Variants in MAPKAPK5 observed in about 807,000 individuals in gnomAD.
MAPKAPK5 encodes MAP kinase-activated protein kinase 5.
A neutral mutation model predicts 65.1 loss-of-function variants in MAPKAPK5; 30 were observed. The observed-to-expected ratio is 0.46, with a 90% CI of 0.34 to 0.63. The LOEUF is 0.63. Ranked by LOEUF, MAPKAPK5 falls within the 20% of genes least tolerant of loss-of-function variation. The pLI is 0.01. For synonymous variants in MAPKAPK5, 179 were observed against 204.6 expected (o/e 0.87, Z 1.07); for missense variants, 433 against 581.4 (o/e 0.74, Z 2.63).
chr12:111,851,223 A>G (rs1318998045), intron 1 of MAPKAPK5, among the ~76,000 whole-genome samples: 1 of 151,482 alleles, frequency 6.6e-6, no homozygotes, highest in Non-Finnish European at 1.5e-5. Flanking sequence ...AGTTTTTTTG[A>G]CACAATGCCC....
At chr12:111,847,778 A>G (rs1370129616) in intron 1 of MAPKAPK5, among the ~76,000 whole-genome samples, 2 of 152,168 alleles carry the variant, frequency 1.3e-5, no homozygotes, top group African/African-American at 4.8e-5. Flanking sequence ...GCCTGGTTGC[A>G]GTCAGCCCTG....
rs1192508161 is a variant in MAPKAPK5, at chr12:111,900,794, C to T, written c.*7733C>T. On this transcript the variant is annotated 3_prime_UTR_variant, in exon 14 of 14. Transcript: ENST00000550735. ...TTTGCAATGGTACATCTGCATTATG[C>T]CCCAACAACAGGCATAAGCAAGATG... The T allele has an allele frequency of 6.6e-6, 3 of 455,962 alleles. No homozygotes were observed. Among genetic ancestry groups the T allele is most frequent in the Admixed American group, 4.7e-5 (2 of 42,550 alleles). The allele number at this position is 455,962 out of a possible 1,614,324, so 28.2% of individuals were successfully genotyped here. A position where few individuals can be genotyped will look rare whatever the true frequency, so the allele number is the denominator to read the frequency against.
chr12:111,883,684 G>A lies in MAPKAPK5; in HGVS notation c.764G>A (p.Arg255Gln), dbSNP rs1481045832. The A allele has an allele frequency of 1.9e-6, 3 of 1,613,880 alleles. No individual in the cohort carries two copies. Among genetic ancestry groups the A allele is most frequent in the East Asian group, 2.2e-5 (1 of 44,890 alleles). Residue 255 changes from arginine to glutamine, a missense_variant, in exon 9 of 14, where the codon CGA becomes CAA. By Grantham distance (43) the Arg-to-Gln change is conservative (BLOSUM62 1). Coordinates refer to ENST00000550735, the MANE Select transcript of MAPKAPK5 (RefSeq NM_003668.4). This position sits in a 1 kb window ranked among gnomAD's most constrained non-coding sequence, Gnocchi z 4.8. ...AGCCGGACTATCCCAAAGGATATGC[G>A]AAGAAAGATCATGACAGGCAGTTTT... Reference protein sequence around the residue: ...HHSRTIPKDMRRKIMTGSFEF... With the variant: ...HHSRTIPKDMQRKIMTGSFEF...
intron 1 of MAPKAPK5, among the ~76,000 whole-genome samples, chr12:111,857,550 G>A (rs1015372832): frequency 2.0e-5 from 3 of 152,220 alleles, no homozygotes; most frequent in South Asian, 2.1e-4. Flanking sequence ...CACCGTGCCC[G>A]GCCTGATCCA....
intron 1 of MAPKAPK5, among the ~76,000 whole-genome samples, chr12:111,855,702 C>A (rs960599589): frequency 4.0e-5 from 6 of 151,858 alleles, no homozygotes; most frequent in African/African-American, 1.5e-4. Context: ...TGGTGTGCAC[C>A]TGTAGTCCCA....
chr12:111,895,234 CTA>C lies in MAPKAPK5; in HGVS notation c.*2176_*2177del, dbSNP rs1260718941. On this transcript the variant is annotated 3_prime_UTR_variant, in exon 14 of 14. Transcript: ENST00000550735. ...ACCTCAGCCTCCTGAGTAGCTGGGA[CTA>C]TACAGGTGCCCGCCACCGCGCCCGG... is the stretch of plus-strand genomic sequence containing the variant. The C allele has an allele frequency of 3.3e-5, 5 of 150,618 alleles. No individual in the cohort carries two copies. The East Asian group carries it at 9.9e-4, about 30-fold the overall frequency. 9.3% of individuals were successfully genotyped at this position (150,618 alleles called of 1,614,324 possible). A position where few individuals can be genotyped will look rare whatever the true frequency, so the allele number is the denominator to read the frequency against.
At position 111,893,491 on chromosome 12, in the gene MAPKAPK5, C is replaced by G. The variant is rs1245740543; in HGVS notation, c.*430C>G. 5 of 152,430 alleles carry G rather than the reference C, an allele frequency of 3.3e-5. No homozygotes were observed. The highest frequency in any genetic ancestry group is 1.2e-4 in the African/African-American group (5 of 41,452). 9.4% of individuals were successfully genotyped at this position (152,430 alleles called of 1,614,324 possible). A position where few individuals can be genotyped will look rare whatever the true frequency, so the allele number is the denominator to read the frequency against. On this transcript the variant is annotated 3_prime_UTR_variant, in exon 14 of 14. Transcript: ENST00000550735. ...TGCTAGATTAGCTCTACTGCCAAGA[C>G]ATTTTTGTGGCTGTCATTGCAGACT...
intron 1 of MAPKAPK5, 24 bp from the exon 2 acceptor site, chr12:111,865,226 C>T (rs1341058462): frequency 6.9e-7 from 1 of 1,450,550 alleles, no homozygotes; most frequent in Non-Finnish European, 9.5e-7. Context: ...ATTCTCTGTC[C>T]TCTCCCTTTT....
Position 111,901,835 on chromosome 12 carries a change from G to T in MAPKAPK5, c.*8774G>T. Reference sequence around the variant, plus strand: ...TCAGATATACTGATGTAGAAGGAAGGATTCTTTCACTTTTATTATTTATTT... The same window carrying T: ...TCAGATATACTGATGTAGAAGGAAGTATTCTTTCACTTTTATTATTTATTT... On this transcript the variant is annotated 3_prime_UTR_variant, in exon 14 of 14. Coordinates refer to ENST00000550735, the MANE Select transcript of MAPKAPK5 (RefSeq NM_003668.4). The T allele has an allele frequency of 6.5e-6, 1 of 153,806 alleles. No individual in the cohort carries two copies. Among genetic ancestry groups the T allele is most frequent in the Non-Finnish European group, 1.4e-5 (1 of 69,148 alleles). The allele number at this position is 153,806 out of a possible 1,614,324, so 9.5% of individuals were successfully genotyped here. A position where few individuals can be genotyped will look rare whatever the true frequency, so the allele number is the denominator to read the frequency against.
chr12:111,851,156 C>G (rs1206108177), intron 1 of MAPKAPK5, among the ~76,000 whole-genome samples: 1 of 152,098 alleles, frequency 6.6e-6, no homozygotes, highest in African/African-American at 2.4e-5. Context: ...CCTCGGCCTC[C>G]CAAAGTGCTG....
Position 111,868,872 on chromosome 12 carries a change from C to G in MAPKAPK5, c.393+11C>G. 1.3e-6 allele frequency: 2 copies of G among 1,543,066 alleles called. No homozygotes were observed. The highest frequency in any genetic ancestry group is 1.7e-6 in the Non-Finnish European group (2 of 1,143,958). On this transcript the variant is annotated intron_variant, in intron 5 of 13. Transcript: ENST00000550735. ...CAAGTAACAAAGCAGGCAAGTTAACCCCAGGTACCAATCAAACTGCCACCA... is the reference window on the plus strand; with the variant it reads ...CAAGTAACAAAGCAGGCAAGTTAACGCCAGGTACCAATCAAACTGCCACCA...
chr12:111,885,984 C>T lies in MAPKAPK5; in HGVS notation c.917C>T (p.Ser306Phe), dbSNP rs764446347. Residue 306 changes from serine to phenylalanine, a missense_variant, in exon 10 of 14, where the codon TCC (serine) becomes TTC (phenylalanine). By Grantham distance (155) the Ser-to-Phe change is radical. This residue lies in a region of MAPKAPK5 where 169 missense variants were observed against 215.6 expected (regional missense o/e 0.78). Transcript: ENST00000550735. ...EGVLDHPWLN[S>F]TEALDNVLPS... ...GTGCTGGACCACCCCTGGCTCAATTCCACCGAGGCCCTGGATAATGTGCTG... is the reference window on the plus strand; with the variant it reads ...GTGCTGGACCACCCCTGGCTCAATTTCACCGAGGCCCTGGATAATGTGCTG... 4 of 1,613,928 alleles carry T rather than the reference C, an allele frequency of 2.5e-6. No homozygotes were observed. The Admixed American group carries it at 6.7e-5, about 27-fold the overall frequency.
Position 111,867,594 on chromosome 12 carries a change from C to T in MAPKAPK5, c.209C>T (p.Ala70Val). 1.2e-6 allele frequency: 2 copies of T among 1,613,592 alleles called. No individual in the cohort carries two copies. Among genetic ancestry groups the T allele is most frequent in the Non-Finnish European group, 1.7e-6 (2 of 1,179,554 alleles). The change falls in exon 4 of 14, where the codon GCC (alanine) becomes GTC (valine). Residue 70 changes from alanine to valine, a missense_variant. This residue lies in a region of MAPKAPK5 where 165 missense variants were observed against 180.0 expected (regional missense o/e 0.92). Coordinates refer to ENST00000550735, the MANE Select transcript of MAPKAPK5 (RefSeq NM_003668.4). ...AAGGTACGTCTGCACATGATGTGTG[C>T]CACACACCCAAACATAGTTCAGATT... Reference protein sequence around the residue: ...RNEVRLHMMCATHPNIVQIIE... With the variant: ...RNEVRLHMMCVTHPNIVQIIE...
intron 7 of MAPKAPK5, among the ~76,000 whole-genome samples, chr12:111,876,067 T>C (rs139236547): frequency 6.6e-6 from 1 of 151,104 alleles, no homozygotes; most frequent in East Asian, 1.9e-4. Context: ...ATTAGTCGGG[T>C]GTGGTGGCAG....
chr12:111,891,410 T>C (rs2070603260), intron 13 of MAPKAPK5, among the ~76,000 whole-genome samples: 1 of 151,810 alleles, frequency 6.6e-6, no homozygotes, highest in Non-Finnish European at 1.5e-5. Flanking sequence ...CCTGCCTTCT[T>C]GTTTCTTAGA....
intron 1 of MAPKAPK5, among the ~76,000 whole-genome samples, chr12:111,859,272 A>T (rs2069347082): frequency 6.7e-6 from 1 of 148,404 alleles, no homozygotes; most frequent in South Asian, 2.2e-4. Context: ...GTCTCTGCTT[A>T]GTTTTAAATT....
intron 3 of MAPKAPK5, among the ~76,000 whole-genome samples, chr12:111,866,538 A>G (rs2069618836): frequency 6.6e-6 from 1 of 152,228 alleles, no homozygotes; most frequent in South Asian, 2.1e-4. Flanking sequence ...GTGGAGATAA[A>G]ATAGCACAAG....
chr12:111,888,308 C>A (rs769771059), intron 10 of MAPKAPK5, 180 bp from the exon 11 acceptor site: 44 of 751,154 alleles, frequency 5.9e-5, no homozygotes, highest in Non-Finnish European at 8.2e-5. Context: ...CCTGGTGTTT[C>A]CTGGTTCCTG....
In MAPKAPK5 at chr12:111,901,085, T is replaced by C. The variant is rs550188005; in HGVS notation, c.*8024T>C. ...GCTTACCAAAAATCAATCTCCAACA[T>C]ACAATGATTCAGGTCCCTCAGGGAG... On this transcript the variant is annotated 3_prime_UTR_variant, in exon 14 of 14. Transcript: ENST00000550735. 2.2e-6 allele frequency: 1 copy of C among 456,090 alleles called. No individual in the cohort carries two copies. The highest frequency in any genetic ancestry group is 6.9e-5 in the East Asian group (1 of 14,400). 28.3% of individuals were successfully genotyped at this position (456,090 alleles called of 1,614,324 possible). A position where few individuals can be genotyped will look rare whatever the true frequency, so the allele number is the denominator to read the frequency against.
Sources: gnomAD v4.1 joint callset for allele counts (sites outside exome capture counted in the v4.1 genomes callset) on GRCh38, gnomAD v4.1.1 for gene constraint, gnomAD v4.1.1 regional missense constraint, Gnocchi (gnomAD v3.1) non-coding constraint, MANE v1.5 for transcripts, NCBI Gene and HGNC (gene_info 2026-07-23, HGNC 2026-07-21) for gene names.